Variants in TAF4 observed in about 807,000 individuals in gnomAD.
TAF4 encodes TATA-box binding protein associated factor 4.
In TAF4, 9 loss-of-function variants were observed where a neutral mutation model predicts 90.3. The observed-to-expected ratio is 0.10, with a 90% CI of 0.06 to 0.17. The LOEUF (loss-of-function observed/expected upper bound fraction) is 0.17, where lower values mean the gene tolerates loss of function less well. TAF4 is among the 10% of genes least tolerant of loss of function. The pLI, the probability that TAF4 is intolerant of heterozygous loss-of-function variation, is 1.00. For missense variants in TAF4, 1,351 were observed against 1,370.7 expected, an observed-to-expected ratio of 0.99 and a Z score of 0.23; for synonymous variants, 818 against 638.9, an observed-to-expected ratio of 1.28 and a Z score of -4.23.
intron 1 of TAF4, among the ~76,000 whole-genome samples, chr20:62,043,471 T>C (rs1258355798): frequency 2.0e-5 from 3 of 152,220 alleles, no homozygotes; most frequent in African/African-American, 7.2e-5. Context: ...TGTGTTTTTA[T>C]AAATTCCATA....
intron 13 of TAF4, 27 bp downstream of exon 13, chr20:61,998,109 C>A (rs372000436): frequency 1.2e-6 from 2 of 1,612,010 alleles, no homozygotes; most frequent in East Asian, 2.2e-5. Flanking sequence ...AAAGTGCCCA[C>A]GAGCACTCAC....
At chr20:62,061,577 G>A (rs190623263) in intron 1 of TAF4, among the ~76,000 whole-genome samples, 5 of 152,314 alleles carry the variant, frequency 3.3e-5, no homozygotes, top group Non-Finnish European at 5.9e-5. Context: ...ACCTTACACC[G>A]ATCTGAAAAG....
chr20:61,998,491 C>T (rs1378975734), intron 12 of TAF4, among the ~76,000 whole-genome samples: 2 of 152,164 alleles, frequency 1.3e-5, no homozygotes, highest in South Asian at 2.1e-4. Context: ...CAGAATGGGC[C>T]TCATAGGCTC....
chr20:62,006,150 G>A lies in TAF4; in HGVS notation c.2223+360C>T, dbSNP rs1001909790. The A allele has an allele frequency of 2.3e-5, 4 of 176,176 alleles. No individual in the cohort carries two copies. The highest frequency in any genetic ancestry group is 3.9e-4 in the South Asian group (2 of 5,136). The allele number at this position is 176,176 out of a possible 1,614,324, so 10.9% of individuals were successfully genotyped here. A position where few individuals can be genotyped will look rare whatever the true frequency, so the allele number is the denominator to read the frequency against. On this transcript the variant is annotated intron_variant, in intron 7 of 14. Coordinates refer to ENST00000252996, the MANE Select transcript of TAF4 (RefSeq NM_003185.4). This position sits in a 1 kb window ranked among gnomAD's most constrained non-coding sequence, Gnocchi z 7.0. ...TCCTGCCCACCTGTCCCACGCAGGT[G>A]CCCGTGTCTTACGCTTGGACCGCTG...
In TAF4 at chr20:62,015,575, C is replaced by T. The variant is rs552210673; in HGVS notation, c.1361-868G>A. On this transcript the variant is annotated intron_variant, in intron 1 of 14. Coordinates refer to ENST00000252996, the MANE Select transcript of TAF4 (RefSeq NM_003185.4). ...CCAAGGAGCTGAGAAACTAAACACA[C>T]GTGCAATGAGGCACCGCCACCGGCC... is the stretch of plus-strand genomic sequence containing the variant. Among the ~76,000 whole-genome samples the T allele has an allele frequency of 5.3e-5, 8 of 152,282 alleles. No individual in the cohort carries two copies. The South Asian group carries it at 1.5e-3, about 28-fold the overall frequency.
intron 1 of TAF4, among the ~76,000 whole-genome samples, chr20:62,018,135 C>T (rs1244934907): frequency 6.6e-6 from 1 of 152,194 alleles, no homozygotes; most frequent in Non-Finnish European, 1.5e-5. Flanking sequence ...GTGAACCAAG[C>T]GCGAGTGGCC....
At chr20:61,997,470 T>C (rs2055670246) in intron 14 of TAF4, 80 bp downstream of exon 14, 3 of 1,371,894 alleles carry the variant, frequency 2.2e-6, no homozygotes, top group African/African-American at 1.5e-5. Context: ...CCCCTATGTG[T>C]GTCCGTCCCC....
At chr20:62,022,837 G>A (rs376749772) in intron 1 of TAF4, among the ~76,000 whole-genome samples, 6 of 151,074 alleles carry the variant, frequency 4.0e-5, no homozygotes, top group Admixed American at 2.6e-4. Flanking sequence ...AACTTCTGAC[G>A]CAGCTCCTGG....
chr20:62,022,985 A>T (rs2055852107), intron 1 of TAF4, among the ~76,000 whole-genome samples: 1 of 152,176 alleles, frequency 6.6e-6, no homozygotes, highest in Non-Finnish European at 1.5e-5. Context: ...CACTGTGTTC[A>T]TGGGTCAGGA....
At chr20:62,039,498 T>C (rs576415874) in intron 1 of TAF4, among the ~76,000 whole-genome samples, 2 of 152,266 alleles carry the variant, frequency 1.3e-5, no homozygotes, top group African/African-American at 4.8e-5. Context: ...TCCTGTACCT[T>C]GGGTTAGGCA....
intron 14 of TAF4, 115 bp from the exon 15 acceptor site, chr20:61,976,450 G>T (rs903212529): frequency 4.9e-6 from 6 of 1,230,050 alleles, no homozygotes; most frequent in Non-Finnish European, 2.3e-6. Context: ...GCCTGGCACG[G>T]GCTCCTTCCG....
Position 62,010,073 on chromosome 20 carries a change from C to G in TAF4, c.1734G>C (p.Gly578=). The change falls in exon 4 of 15, where the codon GGG becomes GGC. Residue 578 remains glycine, a synonymous_variant. Coordinates refer to ENST00000252996, the MANE Select transcript of TAF4 (RefSeq NM_003185.4). The surrounding 1 kb of genome is among the most constrained non-coding windows in gnomAD (Gnocchi z 4.5). The stretch of plus-strand genomic sequence containing the variant: ...TGGCAGCTGAGGAAGTGGTGGTCGC[C>G]CCTGGTACCGTGCGCTGAGGAGTCC... ...QTGTPQRTVP[G]ATTTSSAATE... 1 of 1,613,640 alleles carries G rather than the reference C, an allele frequency of 6.2e-7. No homozygotes were observed. The highest frequency in any genetic ancestry group is 8.5e-7 in the Non-Finnish European group (1 of 1,179,988).
In TAF4 at chr20:62,003,143, A is replaced by C. The variant is rs751950251; in HGVS notation, c.2486+17T>G. ...CTCTGGCCACGCTTCTCCAACGTACACAGGCCCATTCCTTACCGAAACGAA... is the reference window on the plus strand; with the variant it reads ...CTCTGGCCACGCTTCTCCAACGTACCCAGGCCCATTCCTTACCGAAACGAA... On this transcript the variant is annotated intron_variant, in intron 9 of 14. Transcript: ENST00000252996. The C allele has an allele frequency of 1.2e-6, 2 of 1,604,544 alleles. No individual in the cohort carries two copies. The highest frequency in any genetic ancestry group is 4.5e-5 in the East Asian group (2 of 44,828).
Position 62,010,196 on chromosome 20 carries a change from C to T in TAF4, c.1642-31G>A. ...AGAATCCAAAAACACAAGGTAAGGG[C>T]ATCTCACGCCACCAGCTGACGAGGG... On this transcript the variant is annotated intron_variant, in intron 3 of 14. Transcript: ENST00000252996. The surrounding 1 kb of genome is among the most constrained non-coding windows in gnomAD (Gnocchi z 4.5). 1 of 1,613,072 alleles carries T rather than the reference C, an allele frequency of 6.2e-7. No homozygotes were observed. Among genetic ancestry groups the T allele is most frequent in the Non-Finnish European group, 8.5e-7 (1 of 1,179,874 alleles).
Position 62,003,711 on chromosome 20 carries a change from G to A in TAF4, c.2371+20C>T. The A allele has an allele frequency of 1.3e-6, 2 of 1,565,342 alleles. No individual in the cohort carries two copies. The highest frequency in any genetic ancestry group is 1.7e-6 in the Non-Finnish European group (2 of 1,161,286). On this transcript the variant is annotated intron_variant, in intron 8 of 14. Coordinates refer to ENST00000252996, the MANE Select transcript of TAF4 (RefSeq NM_003185.4). ...AGCAGCCCTTGGTGTTGAGCGGCCAGGGGCCCGCGAGGCCCTCACCTGGCT... is the reference window on the plus strand; with the variant it reads ...AGCAGCCCTTGGTGTTGAGCGGCCAAGGGCCCGCGAGGCCCTCACCTGGCT...
chr20:62,004,417 T>C (rs1329886328), intron 7 of TAF4: 1 of 149,800 alleles, frequency 6.7e-6, no homozygotes, highest in South Asian at 2.2e-4. Flanking sequence ...ACCTCTGCCT[T>C]CCGGGCTCAA....
chr20:62,055,516 G>C (rs768078277), intron 1 of TAF4, among the ~76,000 whole-genome samples: 2 of 152,206 alleles, frequency 1.3e-5, no homozygotes, highest in South Asian at 2.1e-4. Context: ...CCTGGAGGCA[G>C]CCCTGCAATA....
At chr20:62,052,565 C>G (rs2056035375) in intron 1 of TAF4, among the ~76,000 whole-genome samples, 1 of 151,924 alleles carries the variant, frequency 6.6e-6, no homozygotes, top group African/African-American at 2.4e-5. Flanking sequence ...CCCTGCATCA[C>G]TAGAATGTCC....
intron 1 of TAF4, among the ~76,000 whole-genome samples, chr20:62,043,614 T>TG (rs1298816319): frequency 6.6e-6 from 1 of 152,112 alleles, no homozygotes; most frequent in East Asian, 1.9e-4. Context: ...CCTACACAGA[T>TG]GCACCATTTT....
Sources: gnomAD v4.1 joint callset for allele counts (sites outside exome capture counted in the v4.1 genomes callset) on GRCh38, gnomAD v4.1.1 for gene constraint, Gnocchi (gnomAD v3.1) non-coding constraint, MANE v1.5 for transcripts, NCBI Gene and HGNC (gene_info 2026-07-23, HGNC 2026-07-21) for gene names.